WWOX: variants seen among roughly 807,000 people sequenced by gnomAD.
WWOX encodes WW domain containing oxidoreductase.
In WWOX, 69 loss-of-function variants were observed where a neutral mutation model predicts 46.2. The ratio of observed to expected loss-of-function variants is 1.49; its 90% CI spans 1.23 to 1.82. The LOEUF is 1.82. WWOX is among the 40% of genes most tolerant of loss of function. The pLI, the probability that WWOX is intolerant of heterozygous loss-of-function variation, is 0.00. For missense variants in WWOX, 919 were observed against 542.6 expected (o/e 1.69, Z -6.89); for synonymous variants, 359 against 202.6 (o/e 1.77, Z -6.56).
chr16:78,812,923 G>T (rs1021467030), intron 8 of WWOX, among the ~76,000 whole-genome samples: 2 of 152,014 alleles, frequency 1.3e-5, no homozygotes, highest in African/African-American at 4.8e-5. Flanking sequence ...TTGACTCACT[G>T]GTGAATTTGT....
intron 8 of WWOX, among the ~76,000 whole-genome samples, chr16:79,138,938 C>T (rs2050034876): frequency 6.6e-6 from 1 of 152,158 alleles, no homozygotes; most frequent in South Asian, 2.1e-4. Context: ...GTAAGGCTTA[C>T]AGGCAATCCA....
intron 8 of WWOX, among the ~76,000 whole-genome samples, chr16:78,583,301 C>G (rs1230391916): frequency 1.3e-5 from 2 of 152,174 alleles, no homozygotes; most frequent in African/African-American, 4.8e-5. Flanking sequence ...GAGGGTACAA[C>G]TGGCTCCAAA....
chr16:78,637,599 C>G (rs1230461118), intron 8 of WWOX, among the ~76,000 whole-genome samples: 2 of 152,216 alleles, frequency 1.3e-5, no homozygotes, highest in African/African-American at 4.8e-5. Flanking sequence ...TCCTTACTCA[C>G]TGACATCATT....
At chr16:78,711,255 T>C (rs183380976) in intron 8 of WWOX, among the ~76,000 whole-genome samples, 36 of 152,320 alleles carry the variant, frequency 2.4e-4, no homozygotes, top group Middle Eastern at 3.4e-3. Flanking sequence ...CAAAGTGATG[T>C]GGATGTATAT....
At chr16:78,295,794 T>C (rs527482508) in intron 5 of WWOX, among the ~76,000 whole-genome samples, 1 of 152,248 alleles carries the variant, frequency 6.6e-6, no homozygotes, top group South Asian at 2.1e-4. Flanking sequence ...TGGAGGGATT[T>C]TTCGAACACG....
chr16:78,918,782 C>G (rs748088077), intron 8 of WWOX, among the ~76,000 whole-genome samples: 1 of 152,192 alleles, frequency 6.6e-6, no homozygotes. Context: ...AGTCAAGTTA[C>G]TTGTCTAAGC....
chr16:78,150,129 G>A (rs1200641099), intron 4 of WWOX, among the ~76,000 whole-genome samples: 3 of 152,136 alleles, frequency 2.0e-5, no homozygotes, highest in African/African-American at 7.2e-5. Context: ...TACAAATTGG[G>A]GTTCCCACGA....
At chr16:79,211,395 T>C (rs2051740959) in intron 8 of WWOX, among the ~76,000 whole-genome samples, 2 of 152,182 alleles carry the variant, frequency 1.3e-5, no homozygotes, top group Non-Finnish European at 2.9e-5. Context: ...ACACCAGCTT[T>C]ACAAGCGGAG....
At chr16:78,694,979 C>G (rs934347697) in intron 8 of WWOX, among the ~76,000 whole-genome samples, 1 of 152,150 alleles carries the variant, frequency 6.6e-6, no homozygotes, top group Admixed American at 6.6e-5. Flanking sequence ...AAGCCCCAGT[C>G]TATTCCAATA....
intron 8 of WWOX, among the ~76,000 whole-genome samples, chr16:79,015,517 A>G (rs1195338853): frequency 6.6e-6 from 1 of 152,054 alleles, no homozygotes. Context: ...TTTCCTTCCA[A>G]TGAGAAGTCA....
At chr16:78,532,725 G>A (rs1395859219) in intron 8 of WWOX, among the ~76,000 whole-genome samples, 1 of 152,088 alleles carries the variant, frequency 6.6e-6, no homozygotes, top group African/African-American at 2.4e-5. Context: ...CTTGTGTAGG[G>A]AAACTCTCCC....
At chr16:78,418,566 A>G (rs946441150) in intron 6 of WWOX, among the ~76,000 whole-genome samples, 1 of 152,188 alleles carries the variant, frequency 6.6e-6, no homozygotes, top group Non-Finnish European at 1.5e-5. Context: ...ACAAAATGCT[A>G]GCAAGCCAAA....
intron 3 of WWOX, 123 bp from the exon 4 acceptor site, chr16:78,114,853 C>A: frequency 4.8e-6 from 6 of 1,247,324 alleles, no homozygotes; most frequent in Non-Finnish European, 6.8e-6. Context: ...CCAGTTCTTT[C>A]AGGTTTAAGG....
At chr16:78,928,961 T>G (rs2045561267) in intron 8 of WWOX, among the ~76,000 whole-genome samples, 1 of 152,220 alleles carries the variant, frequency 6.6e-6, no homozygotes, top group Admixed American at 6.5e-5. Flanking sequence ...TTGTTAAACT[T>G]TACATGTATG....
chr16:79,105,826 C>A (rs944621112), intron 8 of WWOX: 1 of 152,012 alleles, frequency 6.6e-6, no homozygotes, highest in African/African-American at 2.4e-5. Flanking sequence ...CCACACCCAG[C>A]TAAATTTCTT....
At chr16:78,508,935 T>C (rs947799161) in intron 8 of WWOX, among the ~76,000 whole-genome samples, 6 of 152,254 alleles carry the variant, frequency 3.9e-5, no homozygotes, top group African/African-American at 7.2e-5. Flanking sequence ...ATGTATTGGC[T>C]GGCTGTTCAA....
At chr16:79,071,683 C>T (rs904662301) in intron 8 of WWOX, among the ~76,000 whole-genome samples, 6 of 152,238 alleles carry the variant, frequency 3.9e-5, no homozygotes, top group African/African-American at 9.6e-5. Context: ...CCTCCTGCCC[C>T]GCATTCCCCT....
intron 8 of WWOX, among the ~76,000 whole-genome samples, chr16:79,116,428 G>C (rs1320466986): frequency 2.0e-5 from 3 of 152,322 alleles, no homozygotes; most frequent in East Asian, 3.9e-4. Context: ...TAAATCCTCT[G>C]TTGTCATTTC....
intron 8 of WWOX, among the ~76,000 whole-genome samples, chr16:79,161,330 G>A (rs1205075846): frequency 1.3e-5 from 2 of 152,098 alleles, no homozygotes; most frequent in Non-Finnish European, 2.9e-5. Flanking sequence ...TAGGATGGAC[G>A]TCATTGTACT....
Sources: allele counts gnomAD v4.1 joint callset (sites outside exome capture counted in the v4.1 genomes callset), GRCh38; gene constraint gnomAD v4.1.1; transcripts MANE v1.5; gene names NCBI Gene and HGNC (gene_info 2026-07-23, HGNC 2026-07-21).